CCSER1: variants seen among roughly 807,000 people sequenced by gnomAD.
CCSER1 encodes serine-rich coiled-coil domain-containing protein 1.
CCSER1 carries 41 observed loss-of-function variants against 82.0 expected under a neutral mutation model. The ratio of observed to expected loss-of-function variants is 0.50; its 90% CI spans 0.39 to 0.65. The LOEUF (loss-of-function observed/expected upper bound fraction) is 0.65, where lower values mean the gene tolerates loss of function less well. Among genes scored for constraint, CCSER1 ranks in the 30% least tolerant of loss-of-function variants. CCSER1 has a pLI of 0.00. For missense variants in CCSER1, 1,119 were observed against 1,064.2 expected (o/e 1.05, Z -0.72); for synonymous variants, 414 against 383.9 (o/e 1.08, Z -0.92).
intron 1 of CCSER1, among the ~76,000 whole-genome samples, chr4:90,190,561 G>A (rs897983074): frequency 6.6e-6 from 1 of 152,050 alleles, no homozygotes; most frequent in African/African-American, 2.4e-5. Context: ...TCATGGATTT[G>A]TGAATATTTG....
At chr4:91,559,960 T>C (rs1336180691) in intron 10 of CCSER1, among the ~76,000 whole-genome samples, 1 of 151,320 alleles carries the variant, frequency 6.6e-6, no homozygotes, top group African/African-American at 2.4e-5. Flanking sequence ...ATATAAGAAA[T>C]CAAATTTTGA....
rs114951941 is a variant in CCSER1 at position 91,095,224 on chromosome 4, C to T, written c.2217+9230C>T. Among the ~76,000 whole-genome samples the T allele has an allele frequency of 7.1e-3, 1,076 of 152,282 alleles. 8 individuals carry two copies. Among genetic ancestry groups the T allele is most frequent in the African/African-American group, 0.024 (1,000 of 41,554 alleles). ...TCGAACAGATTGAACAAAGTCCCTT[C>T]GTCTTTATCTGTGGTCTTTTGCTGT... is the stretch of plus-strand genomic sequence containing the variant. On this transcript the variant is annotated intron_variant, in intron 10 of 10. Transcript: ENST00000509176.
At chr4:90,157,344 T>C (rs550564310) in intron 1 of CCSER1, among the ~76,000 whole-genome samples, 87 of 152,288 alleles carry the variant, frequency 5.7e-4, no homozygotes, top group African/African-American at 2.0e-3. Flanking sequence ...ATCTGACAAT[T>C]ATGTGTCTTG....
At chr4:90,790,787 C>A (rs977336462) in intron 7 of CCSER1, among the ~76,000 whole-genome samples, 6 of 152,182 alleles carry the variant, frequency 3.9e-5, no homozygotes, top group Non-Finnish European at 7.3e-5. Flanking sequence ...CTTCTGAGCC[C>A]TCCAAGTCTC....
chr4:91,543,311 A>G (rs1020756451), intron 10 of CCSER1, among the ~76,000 whole-genome samples: 10 of 152,160 alleles, frequency 6.6e-5, no homozygotes, highest in Non-Finnish European at 1.3e-4. Context: ...ATTTAAGGTT[A>G]ATATTGTTAT....
chr4:90,889,253 G>A (rs933964480), intron 8 of CCSER1, among the ~76,000 whole-genome samples: 1 of 152,060 alleles, frequency 6.6e-6, no homozygotes, highest in African/African-American at 2.4e-5. Flanking sequence ...GAGAATCTCG[G>A]AACCTGCCAA....
chr4:90,904,166 A>T (rs1477432152), intron 8 of CCSER1, among the ~76,000 whole-genome samples: 5 of 152,184 alleles, frequency 3.3e-5, no homozygotes, highest in African/African-American at 1.2e-4. Flanking sequence ...TCAGAAGGAC[A>T]ATTTGATTTA....
chr4:91,477,965 G>A (rs1757684566), intron 10 of CCSER1, among the ~76,000 whole-genome samples: 2 of 151,816 alleles, frequency 1.3e-5, no homozygotes, highest in African/African-American at 4.8e-5. Context: ...CAAGGTCATA[G>A]AATGAAGTAT....
intron 5 of CCSER1, among the ~76,000 whole-genome samples, chr4:90,624,249 A>G (rs1722882359): frequency 1.3e-5 from 2 of 152,208 alleles, no homozygotes; most frequent in South Asian, 4.1e-4. Context: ...CCTATGACAG[A>G]TAATGGGATC....
At chr4:90,537,738 CT>C (rs1431665097) in intron 5 of CCSER1, among the ~76,000 whole-genome samples, 2 of 152,136 alleles carry the variant, frequency 1.3e-5, no homozygotes, top group Non-Finnish European at 2.9e-5. Context: ...TACAACAGTG[CT>C]AGTTTAGTTG....
At chr4:91,000,768 ATT>A (rs1305096434) in intron 9 of CCSER1, among the ~76,000 whole-genome samples, 4 of 152,062 alleles carry the variant, frequency 2.6e-5, no homozygotes, top group African/African-American at 4.8e-5. Flanking sequence ...ATTTGAGTAC[ATT>A]GATTTTGTAT....
chr4:90,870,636 C>T (rs1305779576), intron 8 of CCSER1, among the ~76,000 whole-genome samples: 4 of 151,464 alleles, frequency 2.6e-5, no homozygotes, highest in African/African-American at 9.7e-5. Flanking sequence ...GAGATATTGG[C>T]CTGTAGTTTT....
intron 3 of CCSER1, among the ~76,000 whole-genome samples, chr4:90,333,561 T>C (rs34389744): frequency 0.28 from 43,076 of 152,100 alleles, 6,500 homozygotes; most frequent in African/African-American, 0.38. Context: ...CTGGTCTTAA[T>C]CAGACCGTGA....
intron 6 of CCSER1, among the ~76,000 whole-genome samples, chr4:90,645,467 CT>C (rs1275661102): frequency 6.6e-6 from 1 of 152,138 alleles, no homozygotes; most frequent in Non-Finnish European, 1.5e-5. Flanking sequence ...TACTTATAGT[CT>C]TCAAGGTGAC....
chr4:91,568,684 A>T (rs1763017943), intron 10 of CCSER1, among the ~76,000 whole-genome samples: 1 of 152,184 alleles, frequency 6.6e-6, no homozygotes, highest in Non-Finnish European at 1.5e-5. Flanking sequence ...GGTGTTATTC[A>T]GCTCTGTCAG....
At chr4:90,314,852 T>TC (rs1196457322) in intron 3 of CCSER1, among the ~76,000 whole-genome samples, 2 of 129,200 alleles carry the variant, frequency 1.5e-5, no homozygotes, top group Non-Finnish European at 3.3e-5. Context: ...TTTTTTTTTT[T>TC]TTTTTTTTTT....
At chr4:90,474,384 A>G (rs1263800594) in intron 5 of CCSER1, among the ~76,000 whole-genome samples, 2 of 152,190 alleles carry the variant, frequency 1.3e-5, no homozygotes, top group African/African-American at 2.4e-5. Flanking sequence ...CGTGGGAGGA[A>G]AAGGAAGCCA....
intron 10 of CCSER1, among the ~76,000 whole-genome samples, chr4:91,274,032 C>G (rs952279721): frequency 6.6e-6 from 1 of 152,096 alleles, no homozygotes; most frequent in East Asian, 1.9e-4. Flanking sequence ...AACTAATATA[C>G]ATATTATACC....
chr4:90,308,132 T>C, intron 1 of CCSER1, 112 bp from the exon 2 acceptor site: 1 of 809,236 alleles, frequency 1.2e-6, no homozygotes. Flanking sequence ...ATTTATCGTC[T>C]TAGTATAAAC....
Sources: allele counts gnomAD v4.1 joint callset (sites outside exome capture counted in the v4.1 genomes callset), GRCh38; gene constraint gnomAD v4.1.1; transcripts MANE v1.5; gene names NCBI Gene and HGNC (gene_info 2026-07-23, HGNC 2026-07-21).